The following CCDC146 variants were observed in gnomAD, a reference collection of about 807,000 sequenced individuals.
CCDC146 encodes coiled-coil domain-containing protein 146.
A neutral mutation model predicts 119.3 loss-of-function variants in CCDC146; 92 were observed. The observed-to-expected ratio is 0.77, with a 90% CI of 0.65 to 0.92. The LOEUF is 0.92. Ranked by LOEUF, CCDC146 falls within the 40% of genes least tolerant of loss-of-function variation. The probability of loss-of-function intolerance (pLI) is 0.00; values close to 1 mark genes in which losing one functional copy is unlikely to be tolerated. For synonymous variants in CCDC146, 372 were observed against 371.8 expected (o/e 1.00, Z -0.01); for missense variants, 1,000 against 1,103.0 (o/e 0.91, Z 1.32).
intron 9 of CCDC146, among the ~76,000 whole-genome samples, chr7:77,264,824 A>G (rs1181354200): frequency 6.6e-6 from 1 of 152,160 alleles, no homozygotes; most frequent in Non-Finnish European, 1.5e-5. Context: ...TAGTTCTGCT[A>G]TCCTTGTTTT....
chr7:77,294,081 A>G lies in CCDC146; in HGVS notation c.2665-582A>G, dbSNP rs188172007. 2.0e-5 allele frequency among the ~76,000 whole-genome samples: 3 copies of G among 152,330 alleles called. No individual in the cohort carries two copies. The East Asian group carries it at 5.8e-4, about 29-fold the overall frequency. ...AGTGATTACTCTATTTTCCAGAGGCACAGACAAAATCTTGAAAACGTTGAG... is the reference window on the plus strand; with the variant it reads ...AGTGATTACTCTATTTTCCAGAGGCGCAGACAAAATCTTGAAAACGTTGAG... On this transcript the variant is annotated intron_variant, in intron 18 of 18. Coordinates refer to ENST00000285871, the MANE Select transcript of CCDC146 (RefSeq NM_020879.3).
intron 1 of CCDC146, among the ~76,000 whole-genome samples, chr7:77,149,119 C>T (rs923149315): frequency 2.0e-5 from 3 of 152,082 alleles, no homozygotes; most frequent in African/African-American, 7.2e-5. Flanking sequence ...GGTACTGGCA[C>T]CAAAACAGAT....
At chr7:77,158,179 C>G (rs1182382830) in intron 1 of CCDC146, among the ~76,000 whole-genome samples, 1 of 152,114 alleles carries the variant, frequency 6.6e-6, no homozygotes, top group Non-Finnish European at 1.5e-5. Flanking sequence ...TGACAGAGAA[C>G]TAGTTCTTTC....
chr7:77,127,127 G>A lies in CCDC146; in HGVS notation c.-12+4395G>A, dbSNP rs571627403. Among the ~76,000 whole-genome samples, 26 of 152,272 alleles carry A rather than the reference G, an allele frequency of 1.7e-4. 1 individual carries two copies. Among genetic ancestry groups the A allele is most frequent in the Admixed American group, 1.4e-3 (21 of 15,306 alleles). ...CAGGCTGCAGAGATGCCTGGGTCCC[G>A]TGGGTGAGAGGGCAGTGGCAGCTGC... On this transcript the variant is annotated intron_variant, in intron 1 of 18. Transcript: ENST00000285871.
intron 1 of CCDC146, among the ~76,000 whole-genome samples, chr7:77,144,189 G>A (rs1790979920): frequency 6.6e-6 from 1 of 151,624 alleles, no homozygotes; most frequent in Non-Finnish European, 1.5e-5. Context: ...TTGTGAATGG[G>A]AGTTCACTCA....
Position 77,278,921 on chromosome 7 carries a change from CTT to C in CCDC146, c.1530-14_1530-13del. ...TTCATTTCATAAGTTTCAGTAAACACTTTGTATTTTTACAGACTGAGAGAGTT... is the reference window on the plus strand; with the variant it reads ...TTCATTTCATAAGTTTCAGTAAACACTGTATTTTTACAGACTGAGAGAGTT... On this transcript the variant is annotated splice_polypyrimidine_tract_variant and intron_variant, in intron 12 of 18. Coordinates refer to ENST00000285871, the MANE Select transcript of CCDC146 (RefSeq NM_020879.3). The C allele has an allele frequency of 6.2e-7, 1 of 1,605,830 alleles. No individual in the cohort carries two copies.
chr7:77,254,340 C>A (rs1793136567), intron 4 of CCDC146, among the ~76,000 whole-genome samples, 166 bp from the exon 5 acceptor site: 1 of 152,106 alleles, frequency 6.6e-6, no homozygotes, highest in African/African-American at 2.4e-5. Flanking sequence ...GGAGGAAGCA[C>A]CCCAATGCAC....
intron 2 of CCDC146, among the ~76,000 whole-genome samples, chr7:77,216,188 AT>A (rs1460618260): frequency 1.3e-5 from 2 of 151,398 alleles, no homozygotes; most frequent in African/African-American, 2.4e-5. Flanking sequence ...CTTTTTTGTA[AT>A]TTTGACCATT....
intron 15 of CCDC146, 124 bp from the exon 16 acceptor site, chr7:77,286,674 G>A: frequency 1.2e-6 from 1 of 848,264 alleles, no homozygotes. Flanking sequence ...TAAGAAAACA[G>A]AGTTCTCTTC....
intron 1 of CCDC146, among the ~76,000 whole-genome samples, chr7:77,133,441 C>T (rs1790815090): frequency 6.6e-6 from 1 of 152,030 alleles, no homozygotes; most frequent in South Asian, 2.1e-4. Context: ...ACCTCTGCCT[C>T]CTGGGTTCAA....
intron 4 of CCDC146, among the ~76,000 whole-genome samples, chr7:77,246,906 G>A (rs1792960594): frequency 6.6e-6 from 1 of 152,170 alleles, no homozygotes; most frequent in Admixed American, 6.5e-5. Context: ...CTGGCACACA[G>A]TATGTTCAGT....
At chr7:77,130,724 G>C (rs1376658545) in intron 1 of CCDC146, among the ~76,000 whole-genome samples, 1 of 136,550 alleles carries the variant, frequency 7.3e-6, no homozygotes, top group Non-Finnish European at 1.6e-5. Flanking sequence ...TCAGCCTCCC[G>C]TGTAGCTGGG....
intron 2 of CCDC146, among the ~76,000 whole-genome samples, chr7:77,189,949 A>G (rs1244199820): frequency 2.0e-5 from 3 of 152,080 alleles, no homozygotes; most frequent in Non-Finnish European, 4.4e-5. Context: ...AATGGTATTT[A>G]TCATGTATTT....
intron 3 of CCDC146, among the ~76,000 whole-genome samples, chr7:77,241,105 GGGAGTGCAGTGGCTCA>G (rs2150488593): frequency 8.5e-6 from 1 of 117,918 alleles, no homozygotes; most frequent in African/African-American, 3.3e-5. Context: ...TCGCCCAGGC[GGGAGTGCAGTGGCTCA>G]ATCTCGGCTC....
Position 77,293,097 on chromosome 7 carries a change from G to A in CCDC146, c.2561G>A (p.Arg854Lys). 6.2e-7 allele frequency: 1 copy of A among 1,614,144 alleles called. No homozygotes were observed. ...GACTTCATCTTCACTTGCAATTCCA[G>A]GATAGAAAAAGGTCTGCCACTCAAT... ...KEDFIFTCNS[R>K]IEKGLPLNKE... is the part of the protein sequence containing the mutation. The change falls in exon 18 of 19, where the codon AGG becomes AAG. Residue 854 changes from arginine to lysine, a missense_variant. Around this residue, in one of 2 missense-constraint regions of CCDC146, gnomAD observed 985 missense variants for 1,045.3 expected, o/e 0.94. Coordinates refer to ENST00000285871, the MANE Select transcript of CCDC146 (RefSeq NM_020879.3).
intron 1 of CCDC146, among the ~76,000 whole-genome samples, chr7:77,149,230 G>T (rs368967285): frequency 2.0e-5 from 3 of 152,292 alleles, no homozygotes; most frequent in African/African-American, 7.2e-5. Flanking sequence ...AATGGGGAAA[G>T]GATTCCCTAT....
chr7:77,181,485 C>T (rs748976995), intron 2 of CCDC146, among the ~76,000 whole-genome samples: 3 of 152,058 alleles, frequency 2.0e-5, no homozygotes, highest in Non-Finnish European at 2.9e-5. Context: ...GTATGCAGGC[C>T]GCGTATATAG....
chr7:77,258,898 A>G, intron 6 of CCDC146, 97 bp from the exon 7 acceptor site: 1 of 765,788 alleles, frequency 1.3e-6, no homozygotes, highest in South Asian at 1.5e-5. Flanking sequence ...AAGTATCTAC[A>G]TATTGTAGTT....
intron 1 of CCDC146, among the ~76,000 whole-genome samples, chr7:77,153,592 C>T (rs1334899188): frequency 6.7e-6 from 1 of 148,686 alleles, no homozygotes; most frequent in Non-Finnish European, 1.5e-5. Flanking sequence ...ATGAGAAACA[C>T]TTCAAGATAT....
Sources: allele counts gnomAD v4.1 joint callset (sites outside exome capture counted in the v4.1 genomes callset), GRCh38; gene constraint gnomAD v4.1.1; regional missense constraint gnomAD v4.1.1; transcripts MANE v1.5; gene names NCBI Gene and HGNC (gene_info 2026-07-23, HGNC 2026-07-21).